The following ABLIM3 variants were observed in gnomAD, a reference collection of about 807,000 sequenced individuals.
ABLIM3 encodes actin-binding LIM protein 3.
In ABLIM3, 61 loss-of-function variants were observed where a neutral mutation model predicts 109.5. That is an observed-to-expected ratio of 0.56 (90% CI 0.45 to 0.69). The LOEUF (loss-of-function observed/expected upper bound fraction) is 0.69. ABLIM3 is among the 30% of genes least tolerant of loss of function. ABLIM3 has a pLI of 0.00. For missense variants in ABLIM3, 796 were observed against 889.5 expected (o/e 0.89, Z 1.34); for synonymous variants, 300 against 324.8 (o/e 0.92, Z 0.82).
chr5:149,236,248 G>A (rs1762339596), intron 10 of ABLIM3, among the ~76,000 whole-genome samples: 1 of 152,214 alleles, frequency 6.6e-6, no homozygotes. Flanking sequence ...TGATGTGGCA[G>A]GGATACAATA....
chr5:149,198,237 C>T lies in ABLIM3; in HGVS notation c.170C>T (p.Ala57Val). 2 of 1,613,106 alleles carry T rather than the reference C, an allele frequency of 1.2e-6. No individual in the cohort carries two copies. The highest frequency in any genetic ancestry group is 1.7e-6 in the Non-Finnish European group (2 of 1,179,460). Residue 57 changes from alanine to valine, a missense_variant, in exon 4 of 24, where the codon GCC (alanine) becomes GTC (valine). Physicochemically the swap from Ala to Val is moderately conservative, Grantham distance 64 (BLOSUM62 0). Coordinates refer to ENST00000309868, the MANE Select transcript of ABLIM3 (RefSeq NM_014945.5). This position sits in a 1 kb window ranked among gnomAD's most constrained non-coding sequence, Gnocchi z 4.2. ...FTCQVCGCGL[A>V]QSGFFFKNQE... ...CCCCAAGTATGTGGCTGTGGCCTGG[C>T]CCAGTCAGGCTTCTTCTTCAAGAAC...
At chr5:149,170,026 T>C (rs1420721154) in intron 2 of ABLIM3, among the ~76,000 whole-genome samples, 1 of 152,174 alleles carries the variant, frequency 6.6e-6, no homozygotes, top group Non-Finnish European at 1.5e-5. Flanking sequence ...AGGTTTGTTA[T>C]ATATGTAAAT....
rs967685531 is a variant in ABLIM3, at chr5:149,200,416, C to T, written c.436C>T (p.Arg146Cys). ...GGCCAGCAGTAAGCCCATCAAGATT[C>T]GTGGACCAAGCCGTGAGTCCTCCCC... ...SMASSKPIKI[R>C]GPSHCAGCKE... The change falls in exon 5 of 24, where the codon CGT becomes TGT. Residue 146 changes from arginine (R) to cysteine (C), a missense_variant. Arg to Cys is a radical substitution (Grantham distance 180). Transcript: ENST00000309868. 2 of 1,614,074 alleles carry T rather than the reference C, an allele frequency of 1.2e-6. No homozygotes were observed. Among genetic ancestry groups the T allele is most frequent in the Non-Finnish European group, 1.7e-6 (2 of 1,180,016 alleles).
chr5:149,210,941 T>G, intron 7 of ABLIM3, 122 bp downstream of exon 7: 1 of 871,344 alleles, frequency 1.1e-6, no homozygotes, highest in Middle Eastern at 2.3e-4. Flanking sequence ...CTCCTCCACC[T>G]TTGCTTGCTA....
chr5:149,250,430 T>C lies in ABLIM3; in HGVS notation c.1730-17T>C. 2 of 1,614,018 alleles carry C rather than the reference T, an allele frequency of 1.2e-6. No individual in the cohort carries two copies. Among genetic ancestry groups the C allele is most frequent in the Non-Finnish European group, 1.7e-6 (2 of 1,179,878 alleles). On this transcript the variant is annotated splice_polypyrimidine_tract_variant and intron_variant, in intron 19 of 23. Transcript: ENST00000309868. ...GGCTTGGGACTCCTGATAATTGCTC[T>C]AGATCCTTCTTTTCAGATCCTCTCA...
At chr5:149,141,898 C>A (rs1752489029) in intron 1 of ABLIM3, 111 bp from the exon 2 acceptor site, 2 of 749,086 alleles carry the variant, frequency 2.7e-6, no homozygotes, top group Admixed American at 2.4e-5. Context: ...GCCTATTAGT[C>A]CACGCGCCTT....
chr5:149,234,586 G>A (rs191235369), intron 10 of ABLIM3, among the ~76,000 whole-genome samples: 1 of 152,266 alleles, frequency 6.6e-6, no homozygotes, highest in Admixed American at 6.5e-5. Context: ...ACACTTAAGA[G>A]TTATCACTGA....
intron 6 of ABLIM3, among the ~76,000 whole-genome samples, chr5:149,208,860 G>T (rs1759274024): frequency 6.6e-6 from 1 of 152,224 alleles, no homozygotes; most frequent in South Asian, 2.1e-4. Flanking sequence ...AAGGATGACT[G>T]CTAACTAGCA....
At chr5:149,163,249 A>G (rs1011368334) in intron 2 of ABLIM3, among the ~76,000 whole-genome samples, 6 of 152,226 alleles carry the variant, frequency 3.9e-5, no homozygotes, top group African/African-American at 1.4e-4. Context: ...CACTCCTTAC[A>G]ACATGTTGGG....
chr5:149,169,199 G>A (rs760995730), intron 2 of ABLIM3, among the ~76,000 whole-genome samples: 19 of 149,700 alleles, frequency 1.3e-4, no homozygotes, highest in Admixed American at 6.0e-4. Context: ...AGCGACAAGC[G>A]ACAGCCCCCA....
At chr5:149,251,210 C>T (rs533648900) in intron 20 of ABLIM3, 149 bp from the exon 21 acceptor site, 59 of 735,614 alleles carry the variant, frequency 8.0e-5, no homozygotes, top group African/African-American at 5.5e-4. Flanking sequence ...GATATAGCAG[C>T]GAGTTAAGTT....
At chr5:149,250,628 C>A (rs1808828) in intron 20 of ABLIM3, 123 bp downstream of exon 20, 514,627 of 1,146,234 alleles carry the variant, frequency 0.45, 118,405 homozygotes, top group East Asian at 0.56. Context: ...GGTTAACTGA[C>A]ACAACTGTAT....
At chr5:149,146,740 A>T (rs929671157) in intron 2 of ABLIM3, among the ~76,000 whole-genome samples, 2 of 152,172 alleles carry the variant, frequency 1.3e-5, no homozygotes, top group African/African-American at 4.8e-5. Context: ...GTTTGAAGTC[A>T]GGTAATGTGA....
At chr5:149,250,254 C>T (rs935159069) in intron 19 of ABLIM3, among the ~76,000 whole-genome samples, 193 bp from the exon 20 acceptor site, 3 of 152,154 alleles carry the variant, frequency 2.0e-5, no homozygotes, top group African/African-American at 4.8e-5. Context: ...ACCTAGAATT[C>T]TGCTAGAGTG....
intron 4 of ABLIM3, among the ~76,000 whole-genome samples, chr5:149,200,089 A>G (rs764687427): frequency 3.9e-5 from 6 of 152,238 alleles, no homozygotes; most frequent in Admixed American, 6.5e-5. Context: ...GATAAGCATC[A>G]TGATCTGCCC....
rs1755282144 is a variant in ABLIM3 at position 149,170,277 on chromosome 5, T to C, written c.14-13175T>C. The stretch of plus-strand genomic sequence containing the variant: ...CTCTCTCTCTCTCCTTCTCCCTCTC[T>C]CTCTCTCTCTCTCCGTCTCTAATAG... On this transcript the variant is annotated intron_variant, in intron 2 of 23. Transcript: ENST00000309868. 3.3e-5 allele frequency among the ~76,000 whole-genome samples: 5 copies of C among 150,304 alleles called. No homozygotes were observed. In the South Asian group the frequency reaches 1.1e-3, roughly 32 times the overall value.
chr5:149,250,594 G>A (rs1259940413), intron 20 of ABLIM3, 89 bp downstream of exon 20: 4 of 1,482,376 alleles, frequency 2.7e-6, no homozygotes, highest in African/African-American at 1.4e-5. Flanking sequence ...TGAAACCTGA[G>A]CAAAGGTCCT....
In ABLIM3 at chr5:149,237,574, G is replaced by A. The variant is rs759025870; in HGVS notation, c.1015G>A (p.Glu339Lys). The A allele has an allele frequency of 1.6e-5, 26 of 1,614,018 alleles. No individual in the cohort carries two copies. Among genetic ancestry groups the A allele is most frequent in the Non-Finnish European group, 2.0e-5 (24 of 1,180,044 alleles). Reference sequence around the variant, plus strand: ...GCCTCATTCCAGATACATGTCCGACGAGATGCTGGAGAGATGTGGCTATGG... The same window carrying A: ...GCCTCATTCCAGATACATGTCCGACAAGATGCTGGAGAGATGTGGCTATGG... ...YEPHSRYMSDEMLERCGYGES... is the reference protein window; with the variant it reads ...YEPHSRYMSDKMLERCGYGES... The change falls in exon 11 of 24, where the codon GAG (glutamate) becomes AAG (lysine). Residue 339 changes from glutamate to lysine, a missense_variant. Coordinates refer to ENST00000309868, the MANE Select transcript of ABLIM3 (RefSeq NM_014945.5).
intron 2 of ABLIM3, among the ~76,000 whole-genome samples, chr5:149,148,696 C>T (rs960941989): frequency 6.6e-6 from 1 of 152,200 alleles, no homozygotes; most frequent in African/African-American, 2.4e-5. Flanking sequence ...CTGTAAGGCC[C>T]GATGTGGCCT....
Sources: gnomAD v4.1 joint callset for allele counts (sites outside exome capture counted in the v4.1 genomes callset) on GRCh38, gnomAD v4.1.1 for gene constraint, Gnocchi (gnomAD v3.1) non-coding constraint, MANE v1.5 for transcripts, NCBI Gene and HGNC (gene_info 2026-07-23, HGNC 2026-07-21) for gene names.